CACNB1: variants seen among roughly 807,000 people sequenced by gnomAD.
CACNB1 encodes voltage-dependent L-type calcium channel subunit beta-1.
A neutral mutation model predicts 71.6 loss-of-function variants in CACNB1; 29 were observed. The ratio of observed to expected loss-of-function variants is 0.40; its 90% CI spans 0.30 to 0.55. The LOEUF is 0.55. Among genes scored for constraint, CACNB1 ranks in the 20% least tolerant of loss-of-function variants. CACNB1 has a pLI of 0.38. For synonymous variants in CACNB1, 300 were observed against 319.6 expected (o/e 0.94, Z 0.65); for missense variants, 623 against 801.8 (o/e 0.78, Z 2.69).
At position 39,186,665 on chromosome 17, in the gene CACNB1, A is replaced by G; in HGVS notation, c.552-93T>C. The G allele has an allele frequency of 6.6e-7, 1 of 1,513,408 alleles. No individual in the cohort carries two copies. The highest frequency in any genetic ancestry group is 9.1e-7 in the Non-Finnish European group (1 of 1,097,720). The allele number at this position is 1,513,408 out of a possible 1,614,324, so 93.7% of individuals were successfully genotyped here. ...CATGCGGCACCCCCGGAGGTGCTCC[A>G]GCCCCACTGGTGATGCCACAGGCAG... On this transcript the variant is annotated intron_variant, in intron 5 of 13. Coordinates refer to ENST00000394303, the MANE Select transcript of CACNB1 (RefSeq NM_000723.5). The surrounding 1 kb of genome is among the most constrained non-coding windows in gnomAD (Gnocchi z 4.1).
chr17:39,185,072 G>A, intron 7 of CACNB1, 59 bp downstream of exon 7: 1 of 1,503,032 alleles, frequency 6.7e-7, no homozygotes, highest in Non-Finnish European at 9.3e-7. Context: ...GGTGTTAGAA[G>A]GTCCCCCTAG....
rs759787986 is a variant in CACNB1 at position 39,175,360 on chromosome 17, G to A, written c.1630C>T (p.Arg544Ter). The change falls in exon 14 of 14, where the codon CGA becomes TGA. Residue 544 changes from arginine to a stop codon, truncating the protein, a stop_gained. Transcript: ENST00000394303. LOFTEE classifies it high-confidence loss of function. This position sits in a 1 kb window ranked among gnomAD's most constrained non-coding sequence, Gnocchi z 4.7. Reference sequence around the variant, plus strand: ...TCCTCGTCCTCCCAGGATCCCTGTCGGGCTGGGGGCGTGCCGCCCCCTGCA... The same window carrying A: ...TCCTCGTCCTCCCAGGATCCCTGTCAGGCTGGGGGCGTGCCGCCCCCTGCA... Reference protein sequence around the residue: ...DPAGGGTPPARQGSWEDEEED... With the variant: ...DPAGGGTPPA 3.7e-6 allele frequency: 6 copies of A among 1,614,046 alleles called. No homozygotes were observed. Among genetic ancestry groups the A allele is most frequent in the Non-Finnish European group, 5.1e-6 (6 of 1,180,010 alleles).
At chr17:39,177,149 A>G in intron 13 of CACNB1, 1 of 1,429,336 alleles carries the variant, frequency 7.0e-7, no homozygotes, top group Non-Finnish European at 9.1e-7. Context: ...CGCTCATCTT[A>G]TTTTTTTACA....
Position 39,194,430 on chromosome 17 carries a change from G to A in CACNB1, c.171+454C>T, listed in dbSNP as rs1483974345. On this transcript the variant is annotated intron_variant, in intron 2 of 13. Coordinates refer to ENST00000394303, the MANE Select transcript of CACNB1 (RefSeq NM_000723.5). This position sits in a 1 kb window ranked among gnomAD's most constrained non-coding sequence, Gnocchi z 4.6. ...TTAGACAGTCATGTCTCGAGGTGAG[G>A]AGCGTGTTTCCCTGGCCAGGACCTC... Among the ~76,000 whole-genome samples the A allele has an allele frequency of 6.6e-6, 1 of 152,108 alleles. No homozygotes were observed. The highest frequency in any genetic ancestry group is 1.5e-5 in the Non-Finnish European group (1 of 68,028).
intron 13 of CACNB1, among the ~76,000 whole-genome samples, chr17:39,176,968 C>A (rs1381062888): frequency 6.6e-6 from 1 of 152,128 alleles, no homozygotes; most frequent in African/African-American, 2.4e-5. Context: ...TGGAGTCCAG[C>A]GAATCAGTTT....
rs1314868411 is a variant in CACNB1 at position 39,174,782 on chromosome 17, C to T, written c.*411G>A. On this transcript the variant is annotated 3_prime_UTR_variant, in exon 14 of 14. Coordinates refer to ENST00000394303, the MANE Select transcript of CACNB1 (RefSeq NM_000723.5). ...CCATGGGAAAGAATCTGTGGCCTCC[C>T]TTTCCAGGAAAAGCGCCCAGCCCTT... The T allele has an allele frequency of 1.2e-5, 2 of 165,234 alleles. No homozygotes were observed. Among genetic ancestry groups the T allele is most frequent in the African/African-American group, 4.8e-5 (2 of 41,768 alleles). 10.2% of individuals were successfully genotyped at this position (165,234 alleles called of 1,614,324 possible).
At chr17:39,193,624 C>A in intron 2 of CACNB1, 2 of 279,206 alleles carry the variant, frequency 7.2e-6, no homozygotes, top group Admixed American at 5.0e-5. Context: ...GGACTGCCCC[C>A]CTCCACCACT....
intron 3 of CACNB1, among the ~76,000 whole-genome samples, chr17:39,188,281 TAA>T (rs879573264): frequency 7.2e-6 from 1 of 138,832 alleles, no homozygotes; most frequent in African/African-American, 2.7e-5. Flanking sequence ...AGACTCTGTC[TAA>T]AAAAAAAAAA....
intron 2 of CACNB1, chr17:39,193,316 G>A (rs751124550): frequency 4.6e-5 from 16 of 344,410 alleles, no homozygotes; most frequent in Middle Eastern, 7.7e-4. Flanking sequence ...GCATACACAC[G>A]CACACATCAG....
At chr17:39,188,380 G>C (rs2045992368) in intron 3 of CACNB1, among the ~76,000 whole-genome samples, 2 of 152,010 alleles carry the variant, frequency 1.3e-5, no homozygotes, top group Non-Finnish European at 2.9e-5. Context: ...TTCAAGACCA[G>C]CCTAGCCAAG....
chr17:39,190,210 C>T (rs1567809156), intron 3 of CACNB1, among the ~76,000 whole-genome samples: 1 of 151,876 alleles, frequency 6.6e-6, no homozygotes, highest in African/African-American at 2.4e-5. Context: ...TCACTTGCAC[C>T]CAGGAGTTCA....
chr17:39,186,645 G>C lies in CACNB1; in HGVS notation c.552-73C>G. On this transcript the variant is annotated intron_variant, in intron 5 of 13. Coordinates refer to ENST00000394303, the MANE Select transcript of CACNB1 (RefSeq NM_000723.5). This position sits in a 1 kb window ranked among gnomAD's most constrained non-coding sequence, Gnocchi z 4.1. ...GGGGGGCTCTCATCCTCTCACATGC[G>C]GCACCCCCGGAGGTGCTCCAGCCCC... The C allele has an allele frequency of 1.3e-6, 2 of 1,510,850 alleles. No homozygotes were observed. The highest frequency in any genetic ancestry group is 1.8e-6 in the Non-Finnish European group (2 of 1,094,210). 93.6% of individuals were successfully genotyped at this position (1,510,850 alleles called of 1,614,324 possible).
chr17:39,186,297 C>A lies in CACNB1; in HGVS notation c.628+199G>T. On this transcript the variant is annotated intron_variant, in intron 6 of 13. Transcript: ENST00000394303. The surrounding 1 kb of genome is among the most constrained non-coding windows in gnomAD (Gnocchi z 4.1). ...GAATCAGGCAGAGAGATGGAGCTAC[C>A]AAAGAAAAGGGAGAGGAGAGACATG... 1.6e-6 allele frequency: 1 copy of A among 634,164 alleles called. No individual in the cohort carries two copies. The highest frequency in any genetic ancestry group is 2.8e-6 in the Non-Finnish European group (1 of 361,974). The allele number at this position is 634,164 out of a possible 1,614,324, so 39.3% of individuals were successfully genotyped here. A position where few individuals can be genotyped will look rare whatever the true frequency, so the allele number is the denominator to read the frequency against.
intron 3 of CACNB1, among the ~76,000 whole-genome samples, chr17:39,189,582 T>C (rs2046023304): frequency 1.3e-5 from 2 of 150,756 alleles, no homozygotes; most frequent in Admixed American, 1.3e-4. Context: ...CACTGCAACC[T>C]CTGCCTCCTT....
chr17:39,178,229 G>A (rs1253810428), intron 11 of CACNB1, 150 bp from the exon 12 acceptor site: 5 of 646,212 alleles, frequency 7.7e-6, no homozygotes, highest in South Asian at 6.9e-5. Context: ...CACCTCTGCA[G>A]AAAGGACCTC....
chr17:39,193,545 G>T (rs943191354), intron 2 of CACNB1: 2 of 422,108 alleles, frequency 4.7e-6, no homozygotes, highest in Admixed American at 5.3e-5. Flanking sequence ...TCCCTTGGGG[G>T]CTCGGGTTAC....
intron 13 of CACNB1, among the ~76,000 whole-genome samples, chr17:39,176,548 CCCTCAGGGCAGAGCAAGGATG>C (rs2045582800): frequency 6.6e-6 from 1 of 152,150 alleles, no homozygotes; most frequent in Admixed American, 6.5e-5. Flanking sequence ...TCCCCTGGCT[CCCTCAGGGCAGAGCAAGGATG>C]CATTATCTAA....
At chr17:39,193,756 C>A in intron 2 of CACNB1, 1 of 215,684 alleles carries the variant, frequency 4.6e-6, no homozygotes, top group Non-Finnish European at 9.6e-6. Context: ...CCAAGAGGGG[C>A]AATAAAAGCA....
At position 39,183,775 on chromosome 17, in the gene CACNB1, C is replaced by A. The variant is rs145326896; in HGVS notation, c.988G>T (p.Ala330Ser). The change falls in exon 11 of 14, where the codon GCC (alanine) becomes TCC (serine). Residue 330 changes from alanine (A) to serine (S), a missense_variant. By Grantham distance (99) the Ala-to-Ser change is moderately conservative (BLOSUM62 1). Transcript: ENST00000394303. ...GCCAGCGAGGTCTTGGACAGCTGGG[C>A]TGGGTGATTGATGGTGTCAGCATCC... is the stretch of plus-strand genomic sequence containing the variant. Reference protein sequence around the residue: ...ALDADTINHPAQLSKTSLAPI... With the variant: ...ALDADTINHPSQLSKTSLAPI... 1 of 1,613,796 alleles carries A rather than the reference C, an allele frequency of 6.2e-7. No homozygotes were observed. Among genetic ancestry groups the A allele is most frequent in the Non-Finnish European group, 8.5e-7 (1 of 1,179,916 alleles).
Sources: allele counts gnomAD v4.1 joint callset (sites outside exome capture counted in the v4.1 genomes callset), GRCh38; gene constraint gnomAD v4.1.1; non-coding constraint Gnocchi (gnomAD v3.1); transcripts MANE v1.5; gene names NCBI Gene and HGNC (gene_info 2026-07-23, HGNC 2026-07-21).